MACROD2: variants seen among roughly 807,000 people sequenced by gnomAD.
MACROD2 encodes the protein mono-ADP ribosylhydrolase 2.
MACROD2 carries 36 observed loss-of-function variants against 70.4 expected under a neutral mutation model. The ratio of observed to expected loss-of-function variants is 0.51; its 90% CI spans 0.39 to 0.68. The LOEUF is 0.68. MACROD2 is among the 30% of genes least tolerant of loss of function. The pLI is 0.00. For synonymous variants in MACROD2, 172 were observed against 178.8 expected (o/e 0.96, Z 0.30); for missense variants, 496 against 538.4 (o/e 0.92, Z 0.78).
intron 8 of MACROD2, among the ~76,000 whole-genome samples, chr20:15,675,111 T>C (rs2146844966): frequency 6.6e-6 from 1 of 152,274 alleles, no homozygotes; most frequent in East Asian, 1.9e-4. Flanking sequence ...GTATTTCAGA[T>C]TTGTCAAGCA....
At chr20:15,440,345 C>T (rs1192668749) in intron 7 of MACROD2, among the ~76,000 whole-genome samples, 1 of 152,142 alleles carries the variant, frequency 6.6e-6, no homozygotes, top group African/African-American at 2.4e-5. Flanking sequence ...AAGCAGCTCT[C>T]GTGTTTATCC....
intron 5 of MACROD2, among the ~76,000 whole-genome samples, chr20:14,862,555 A>G (rs1463374942): frequency 4.3e-4 from 9 of 21,122 alleles, no homozygotes; most frequent in African/African-American, 1.2e-3. Flanking sequence ...AAATATATAT[A>G]TAAATATAAA....
chr20:14,539,371 G>A (rs2123228102), intron 4 of MACROD2, among the ~76,000 whole-genome samples: 1 of 152,264 alleles, frequency 6.6e-6, no homozygotes, highest in African/African-American at 2.4e-5. Context: ...CCTTCTTCTG[G>A]CCATCCTCCC....
chr20:15,434,886 T>C (rs2146363847), intron 7 of MACROD2, among the ~76,000 whole-genome samples: 1 of 152,274 alleles, frequency 6.6e-6, no homozygotes, highest in South Asian at 2.1e-4. Context: ...TGGATGGAGC[T>C]GGAGGCCATT....
intron 5 of MACROD2, among the ~76,000 whole-genome samples, chr20:15,201,678 T>G (rs2076657202): frequency 6.6e-6 from 1 of 152,176 alleles, no homozygotes; most frequent in South Asian, 2.1e-4. Context: ...ATTTGACAGG[T>G]TAATTAATTA....
intron 4 of MACROD2, among the ~76,000 whole-genome samples, chr20:14,540,838 C>G (rs1332759716): frequency 1.3e-5 from 2 of 152,102 alleles, no homozygotes; most frequent in East Asian, 3.9e-4. Context: ...AGGAGAGGCT[C>G]AAGGAAAGAA....
intron 3 of MACROD2, among the ~76,000 whole-genome samples, chr20:14,468,054 T>G (rs569353270): frequency 6.6e-6 from 1 of 152,178 alleles, no homozygotes; most frequent in East Asian, 1.9e-4. Flanking sequence ...TTAGAATAAG[T>G]GTGATGTGGT....
chr20:14,631,196 C>G (rs557053039), intron 4 of MACROD2, among the ~76,000 whole-genome samples: 23 of 152,212 alleles, frequency 1.5e-4, no homozygotes, highest in African/African-American at 5.3e-4. Context: ...AACTTTGAAA[C>G]AAGCCAGTTT....
chr20:16,020,062 G>A (rs1255662629), intron 15 of MACROD2, among the ~76,000 whole-genome samples: 1 of 152,088 alleles, frequency 6.6e-6, no homozygotes, highest in Admixed American at 6.6e-5. Flanking sequence ...ATTCACCTCA[G>A]CTAATCATGC....
At chr20:15,538,396 T>A (rs1366508599) in intron 8 of MACROD2, among the ~76,000 whole-genome samples, 1 of 152,196 alleles carries the variant, frequency 6.6e-6, no homozygotes, top group Non-Finnish European at 1.5e-5. Context: ...GAATCTAAGA[T>A]TTCTTGCTCA....
chr20:16,035,097 T>A (rs1472180447), intron 15 of MACROD2, among the ~76,000 whole-genome samples: 1 of 116,380 alleles, frequency 8.6e-6, no homozygotes, highest in African/African-American at 3.6e-5. Flanking sequence ...TATAAAATAT[T>A]ATATATTATA....
At chr20:14,396,475 G>T (rs1336976795) in intron 3 of MACROD2, among the ~76,000 whole-genome samples, 1 of 151,980 alleles carries the variant, frequency 6.6e-6, no homozygotes, top group Non-Finnish European at 1.5e-5. Flanking sequence ...TTTATTCTTG[G>T]TAATATCATT....
chr20:14,229,723 A>C (rs2081782061), intron 3 of MACROD2, among the ~76,000 whole-genome samples: 1 of 152,242 alleles, frequency 6.6e-6, no homozygotes, highest in Non-Finnish European at 1.5e-5. Context: ...CCCTGAGTTG[A>C]AGACTGTCCA....
At chr20:15,839,378 G>C (rs781735884) in intron 8 of MACROD2, among the ~76,000 whole-genome samples, 3 of 152,090 alleles carry the variant, frequency 2.0e-5, no homozygotes, top group Non-Finnish European at 2.9e-5. Context: ...CCGATTCCTT[G>C]ACTTTTTCCT....
At chr20:14,734,509 CAAAAAAACA>C (rs1377917460) in intron 5 of MACROD2, among the ~76,000 whole-genome samples, 1 of 121,320 alleles carries the variant, frequency 8.2e-6, no homozygotes, top group African/African-American at 3.1e-5. Flanking sequence ...TCAAAAAAAA[CAAAAAAACA>C]AAAAAAACAA....
intron 5 of MACROD2, among the ~76,000 whole-genome samples, chr20:15,030,776 A>G (rs1178009542): frequency 6.6e-6 from 1 of 152,228 alleles, no homozygotes; most frequent in Non-Finnish European, 1.5e-5. Flanking sequence ...CAAAAGTAGC[A>G]GCAGCAAAAC....
intron 5 of MACROD2, among the ~76,000 whole-genome samples, chr20:14,917,098 C>T (rs962189439): frequency 6.6e-6 from 1 of 151,394 alleles, no homozygotes; most frequent in African/African-American, 2.4e-5. Context: ...GCCAAGTCTC[C>T]TGTCCTTTCC....
intron 4 of MACROD2, among the ~76,000 whole-genome samples, chr20:14,606,080 G>T (rs1278247274): frequency 2.0e-5 from 3 of 151,988 alleles, no homozygotes; most frequent in Non-Finnish European, 2.9e-5. Context: ...AAATAGAATG[G>T]GCGCTTGTTA....
At chr20:14,148,366 C>A (rs530423909) in intron 3 of MACROD2, among the ~76,000 whole-genome samples, 1 of 152,096 alleles carries the variant, frequency 6.6e-6, no homozygotes, top group African/African-American at 2.4e-5. Flanking sequence ...TGATATCTTA[C>A]CATATTTAAT....
Sources: gnomAD v4.1 joint callset for allele counts (sites outside exome capture counted in the v4.1 genomes callset) on GRCh38, gnomAD v4.1.1 for gene constraint, MANE v1.5 for transcripts, NCBI Gene and HGNC (gene_info 2026-07-23, HGNC 2026-07-21) for gene names.